Variants in ACOT7 observed in about 807,000 individuals in gnomAD.
ACOT7 encodes the protein acyl-CoA thioesterase 7.
Under a neutral mutation model 40.2 loss-of-function variants are expected in ACOT7, and 12 were observed. That is an observed-to-expected ratio of 0.30 (90% CI 0.19 to 0.48). The LOEUF (loss-of-function observed/expected upper bound fraction) is 0.48, where lower values mean the gene tolerates loss of function less well. Ranked by LOEUF, ACOT7 falls within the 20% of genes least tolerant of loss-of-function variation. ACOT7 has a pLI of 0.99. For missense variants in ACOT7, 395 were observed against 530.8 expected, an observed-to-expected ratio of 0.74 and a Z score of 2.51; for synonymous variants, 228 against 219.5, an observed-to-expected ratio of 1.04 and a Z score of -0.34.
chr1:6,328,033 A>G (rs768702300), intron 4 of ACOT7, among the ~76,000 whole-genome samples: 7 of 151,964 alleles, frequency 4.6e-5, no homozygotes, highest in Non-Finnish European at 8.8e-5. Flanking sequence ...CAGCCTCCCA[A>G]AGTGCTGGGA....
chr1:6,370,220 A>T (rs1295438323), intron 1 of ACOT7, among the ~76,000 whole-genome samples: 2 of 152,060 alleles, frequency 1.3e-5, no homozygotes, highest in Admixed American at 1.3e-4. Flanking sequence ...TTCTGCTGTA[A>T]GTAGAAGTGG....
intron 2 of ACOT7, among the ~76,000 whole-genome samples, chr1:6,348,214 A>G (rs742504): frequency 0.16 from 24,879 of 152,020 alleles, 4,001 homozygotes; most frequent in African/African-American, 0.42. Context: ...TAAACCAGGC[A>G]CTGCCAGCAA....
intron 6 of ACOT7, among the ~76,000 whole-genome samples, chr1:6,307,299 G>T (rs1017210411): frequency 1.3e-5 from 2 of 152,256 alleles, no homozygotes; most frequent in Non-Finnish European, 2.9e-5. Context: ...GGCTGACTGC[G>T]CGGCACCAGC....
intron 1 of ACOT7, among the ~76,000 whole-genome samples, chr1:6,375,709 G>T (rs962686583): frequency 6.6e-6 from 1 of 152,034 alleles, no homozygotes; most frequent in Admixed American, 6.6e-5. Context: ...GGCCAAGGCG[G>T]GTGGATCACG....
chr1:6,269,232 C>T (rs1638948948), intron 8 of ACOT7, among the ~76,000 whole-genome samples: 1 of 152,148 alleles, frequency 6.6e-6, no homozygotes, highest in African/African-American at 2.4e-5. Flanking sequence ...CCAGGTCGTC[C>T]TATGCCGAGG....
chr1:6,307,665 C>G (rs1640195528), intron 6 of ACOT7, among the ~76,000 whole-genome samples: 2 of 151,974 alleles, frequency 1.3e-5, no homozygotes, highest in Admixed American at 6.6e-5. Context: ...GCAGAGGGAA[C>G]AGTAACAGGA....
intron 6 of ACOT7, 176 bp from the exon 7 acceptor site, chr1:6,295,156 G>C (rs1639778427): frequency 3.8e-6 from 2 of 523,204 alleles, no homozygotes; most frequent in Non-Finnish European, 6.8e-6. Context: ...GCTACATGGG[G>C]CTTCCTCAGG....
At chr1:6,329,138 T>C (rs984125313) in intron 4 of ACOT7, among the ~76,000 whole-genome samples, 1 of 152,258 alleles carries the variant, frequency 6.6e-6, no homozygotes, top group Non-Finnish European at 1.5e-5. Flanking sequence ...AGGCCTTCTT[T>C]CAAAAGCCAG....
At chr1:6,308,376 G>A (rs1640226418) in intron 6 of ACOT7, among the ~76,000 whole-genome samples, 1 of 150,134 alleles carries the variant, frequency 6.7e-6, no homozygotes, top group Non-Finnish European at 1.5e-5. Flanking sequence ...AGGGGGAACA[G>A]CGACCAGAGA....
intron 6 of ACOT7, among the ~76,000 whole-genome samples, chr1:6,307,993 G>A (rs963808868): frequency 6.6e-6 from 1 of 151,724 alleles, no homozygotes; most frequent in African/African-American, 2.4e-5. Context: ...CAGGCAGAGG[G>A]AACCACAACC....
chr1:6,285,951 G>A (rs1049343792), intron 7 of ACOT7, among the ~76,000 whole-genome samples: 15 of 152,210 alleles, frequency 9.9e-5, no homozygotes, highest in African/African-American at 3.4e-4. Flanking sequence ...GGGACATTGC[G>A]GGGCCCATCC....
intron 1 of ACOT7, chr1:6,385,416 T>C (rs978504664): frequency 1.3e-6 from 2 of 1,504,564 alleles, no homozygotes; most frequent in South Asian, 2.5e-5. Context: ...CTCCAAGTTA[T>C]GCGGCCCAAG....
intron 5 of ACOT7, among the ~76,000 whole-genome samples, chr1:6,318,957 A>G (rs1053372014): frequency 2.6e-5 from 4 of 152,194 alleles, no homozygotes; most frequent in Non-Finnish European, 5.9e-5. Flanking sequence ...GAAGTGCCAC[A>G]GTGTTTCTGT....
chr1:6,386,624 GGT>G (rs1180265384), intron 1 of ACOT7, among the ~76,000 whole-genome samples: 2 of 152,190 alleles, frequency 1.3e-5, no homozygotes, highest in African/African-American at 4.8e-5. Flanking sequence ...GGGAGGCCGA[GGT>G]GGGAAGATCA....
rs200927232 is a variant in ACOT7, at chr1:6,275,642, G to C, written c.1014+5460C>G. ...TGAGGCAGGAGAATCGTTTGAACCC[G>C]GGAGGCAGCGGTTGCAGTGAGCCGA... On this transcript the variant is annotated intron_variant, in intron 8 of 8. Coordinates refer to ENST00000361521, the MANE Select transcript of ACOT7 (RefSeq NM_007274.4). This position sits in a 1 kb window ranked among gnomAD's most constrained non-coding sequence, Gnocchi z 5.6. Among the ~76,000 whole-genome samples, 1 of 151,324 alleles carries C rather than the reference G, an allele frequency of 6.6e-6. No individual in the cohort carries two copies. Among genetic ancestry groups the C allele is most frequent in the Non-Finnish European group, 1.5e-5 (1 of 67,876 alleles).
At chr1:6,270,153 C>T (rs560150632) in intron 8 of ACOT7, among the ~76,000 whole-genome samples, 6 of 152,340 alleles carry the variant, frequency 3.9e-5, no homozygotes, top group South Asian at 2.1e-4. Context: ...CACCCTGTCC[C>T]GCTGGGTGAG....
At position 6,311,682 on chromosome 1, in the gene ACOT7, C is replaced by T. The variant is rs1256083115; in HGVS notation, c.712+6810G>A. On this transcript the variant is annotated intron_variant, in intron 6 of 8. Transcript: ENST00000361521. The surrounding 1 kb of genome is among the most constrained non-coding windows in gnomAD (Gnocchi z 5.2). ...GTACTAGGCTGCTCACTTAAGGGTACCCAGGAAGATGACAAGAAGGATTTC... is the reference window on the plus strand; with the variant it reads ...GTACTAGGCTGCTCACTTAAGGGTATCCAGGAAGATGACAAGAAGGATTTC... 6.6e-6 allele frequency among the ~76,000 whole-genome samples: 1 copy of T among 152,146 alleles called. No individual in the cohort carries two copies. Among genetic ancestry groups the T allele is most frequent in the East Asian group, 1.9e-4 (1 of 5,186 alleles).
intron 1 of ACOT7, among the ~76,000 whole-genome samples, chr1:6,391,000 A>C (rs1241922691): frequency 6.6e-6 from 1 of 151,112 alleles, no homozygotes; most frequent in Admixed American, 6.6e-5. Context: ...AGCTATACAA[A>C]AATCTAGTAA....
At chr1:6,270,319 G>T (rs2148364743) in intron 8 of ACOT7, among the ~76,000 whole-genome samples, 1 of 152,348 alleles carries the variant, frequency 6.6e-6, no homozygotes, top group African/African-American at 2.4e-5. Context: ...GGTGGGTGGA[G>T]GACGAAAGAA....
Sources: gnomAD v4.1 joint callset for allele counts (sites outside exome capture counted in the v4.1 genomes callset) on GRCh38, gnomAD v4.1.1 for gene constraint, Gnocchi (gnomAD v3.1) non-coding constraint, MANE v1.5 for transcripts, NCBI Gene and HGNC (gene_info 2026-07-23, HGNC 2026-07-21) for gene names.